EFCAB5: variants seen among roughly 807,000 people sequenced by gnomAD.
EFCAB5 encodes EF-hand calcium binding domain 5.
EFCAB5 carries 131 observed loss-of-function variants against 167.9 expected under a neutral mutation model. The observed-to-expected ratio is 0.78, with a 90% CI of 0.68 to 0.90. EFCAB5 has a LOEUF of 0.90. Ranked by LOEUF, EFCAB5 falls within the 40% of genes least tolerant of loss-of-function variation. The pLI, the probability that EFCAB5 is intolerant of heterozygous loss-of-function variation, is 0.00. For synonymous variants in EFCAB5, 574 were observed against 602.8 expected, an observed-to-expected ratio of 0.95 and a Z score of 0.70; for missense variants, 1,663 against 1,745.2, an observed-to-expected ratio of 0.95 and a Z score of 0.84.
chr17:30,059,271 A>G (rs1246205880), intron 13 of EFCAB5: 3 of 214,314 alleles, frequency 1.4e-5, no homozygotes, highest in Non-Finnish European at 2.7e-5. Context: ...ATTTTTAAAA[A>G]AAATTTTTTT....
At chr17:29,933,679 G>A (rs902185022) in intron 1 of EFCAB5, among the ~76,000 whole-genome samples, 2 of 152,140 alleles carry the variant, frequency 1.3e-5, no homozygotes, top group African/African-American at 4.8e-5. Flanking sequence ...TACTTCTTCC[G>A]GGGTGAAATT....
Position 30,082,981 on chromosome 17 carries a change from T to G in EFCAB5, c.3517T>G (p.Tyr1173Asp). Residue 1173 changes from tyrosine (Y) to aspartate (D), a missense_variant, in exon 18 of 23, where the codon TAT (tyrosine) becomes GAT (aspartate). Physicochemically the swap from Tyr to Asp is radical, Grantham distance 160. Transcript: ENST00000394835. ...HIVITGIGWL[Y>D]DVTSSITSIT... is the part of the protein sequence containing the mutation. The stretch of plus-strand genomic sequence containing the variant: ...TGTGATCACTGGCATAGGCTGGCTT[T>G]ATGACGTCACATCCAGCATCACCTC... 4 of 1,614,036 alleles carry G rather than the reference T, an allele frequency of 2.5e-6. No individual in the cohort carries two copies. The highest frequency in any genetic ancestry group is 3.4e-6 in the Non-Finnish European group (4 of 1,179,892).
At chr17:30,082,113 C>T (rs1418002251) in intron 17 of EFCAB5, among the ~76,000 whole-genome samples, 2 of 152,154 alleles carry the variant, frequency 1.3e-5, no homozygotes, top group African/African-American at 4.8e-5. Context: ...CGTAATCTAG[C>T]ACACTGTGGG....
chr17:29,964,691 TG>T (rs201445714), intron 3 of EFCAB5, among the ~76,000 whole-genome samples: 1,769 of 152,308 alleles, frequency 0.012, 25 homozygotes, highest in Non-Finnish European at 0.02. Context: ...TCTTTGCTAA[TG>T]TTTTTTTCAG....
intron 14 of EFCAB5, chr17:30,065,776 T>G (rs1434616599): frequency 6.6e-6 from 1 of 152,086 alleles, no homozygotes; most frequent in African/African-American, 2.4e-5. Flanking sequence ...AAAAGATATT[T>G]CACGTGAATG....
intron 8 of EFCAB5, among the ~76,000 whole-genome samples, chr17:30,037,827 AAGAG>A (rs1174282952): frequency 6.6e-6 from 1 of 152,154 alleles, no homozygotes; most frequent in African/African-American, 2.4e-5. Context: ...AATGAAGAAA[AAGAG>A]AGAAGTTAAT....
intron 5 of EFCAB5, among the ~76,000 whole-genome samples, chr17:29,995,942 GT>G (rs2068533978): frequency 6.6e-6 from 1 of 152,098 alleles, no homozygotes; most frequent in African/African-American, 2.4e-5. Context: ...TAAATTTAAT[GT>G]TTTTGCTTCA....
intron 3 of EFCAB5, among the ~76,000 whole-genome samples, chr17:29,948,522 T>A (rs1466969906): frequency 6.6e-6 from 1 of 152,054 alleles, no homozygotes; most frequent in African/African-American, 2.4e-5. Flanking sequence ...AATCCCTCAT[T>A]TGTGAATGTG....
chr17:29,951,615 A>G (rs1487807879), intron 3 of EFCAB5, among the ~76,000 whole-genome samples: 1 of 151,920 alleles, frequency 6.6e-6, no homozygotes, highest in Non-Finnish European at 1.5e-5. Context: ...TTGGCCTCCC[A>G]AAGTGCTGGG....
At chr17:30,035,879 T>C (rs1357087375) in intron 8 of EFCAB5, among the ~76,000 whole-genome samples, 1 of 151,754 alleles carries the variant, frequency 6.6e-6, no homozygotes, top group African/African-American at 2.4e-5. Context: ...TATGCCAGAA[T>C]AGCATATTTT....
At chr17:30,004,823 G>A (rs1206299741) in intron 7 of EFCAB5, among the ~76,000 whole-genome samples, 3 of 135,376 alleles carry the variant, frequency 2.2e-5, no homozygotes, top group African/African-American at 5.7e-5. Flanking sequence ...TTTTAGTAGA[G>A]ACAAGGTTTC....
rs1343336868 is a variant in EFCAB5 at position 29,941,655 on chromosome 17, G to T, written c.-142G>T. On this transcript the variant is annotated 5_prime_UTR_variant, in exon 1 of 23. Coordinates refer to ENST00000394835, the MANE Select transcript of EFCAB5 (RefSeq NM_198529.4). ...ATTTATCATTCAATAGAATTGTGGG[G>T]TGAGGTGAGGGCAGGAGTGAGGGAG... 3.3e-6 allele frequency: 2 copies of T among 610,478 alleles called. No homozygotes were observed. Among genetic ancestry groups the T allele is most frequent in the African/African-American group, 1.9e-5 (1 of 53,078 alleles). The allele number at this position is 610,478 out of a possible 1,614,324, so 37.8% of individuals were successfully genotyped here. A position where few individuals can be genotyped will look rare whatever the true frequency, so the allele number is the denominator to read the frequency against.
chr17:30,010,211 G>A lies in EFCAB5; in HGVS notation c.1044+10235G>A, dbSNP rs1446148525. Among the ~76,000 whole-genome samples the A allele has an allele frequency of 3.3e-5, 5 of 152,142 alleles. No homozygotes were observed. The East Asian group carries it at 9.6e-4, about 29-fold the overall frequency. ...TTTCTTAATCCAGTCTATCATTGAT[G>A]GATATTTGGGTTGGTTCCAAGTCCT... On this transcript the variant is annotated intron_variant, in intron 7 of 22. Coordinates refer to ENST00000394835, the MANE Select transcript of EFCAB5 (RefSeq NM_198529.4).
chr17:30,080,424 C>T (rs2070961662), intron 16 of EFCAB5, among the ~76,000 whole-genome samples, 183 bp downstream of exon 16: 1 of 152,162 alleles, frequency 6.6e-6, no homozygotes, highest in African/African-American at 2.4e-5. Context: ...AGAGCTCGCT[C>T]TTTGGTAATG....
intron 7 of EFCAB5, among the ~76,000 whole-genome samples, chr17:30,023,745 C>T (rs1252376107): frequency 2.6e-5 from 4 of 152,180 alleles, no homozygotes; most frequent in African/African-American, 9.7e-5. Flanking sequence ...GAATTTTAGA[C>T]TAATATCCTT....
chr17:30,048,064 G>A (rs1427197789), intron 8 of EFCAB5, among the ~76,000 whole-genome samples: 1 of 152,204 alleles, frequency 6.6e-6, no homozygotes, highest in Non-Finnish European at 1.5e-5. Flanking sequence ...CAATTCCTAG[G>A]ATCCCAAAAC....
intron 4 of EFCAB5, among the ~76,000 whole-genome samples, chr17:29,991,196 C>T (rs1434698742): frequency 6.6e-6 from 1 of 152,192 alleles, no homozygotes; most frequent in Non-Finnish European, 1.5e-5. Flanking sequence ...GTTCCACATT[C>T]TCCGACTGTC....
At chr17:29,989,239 G>A (rs778357213) in intron 4 of EFCAB5, among the ~76,000 whole-genome samples, 12 of 152,156 alleles carry the variant, frequency 7.9e-5, no homozygotes, top group Non-Finnish European at 1.5e-4. Context: ...AATTAAACTG[G>A]CGTGAGAAAT....
chr17:29,937,278 C>G (rs2067253671), upstream of EFCAB5, among the ~76,000 whole-genome samples: 1 of 152,094 alleles, frequency 6.6e-6, no homozygotes, highest in Admixed American at 6.6e-5. Flanking sequence ...CCTCCGCCTC[C>G]CAGGTTCAAG....
Sources: gnomAD v4.1 joint callset for allele counts (sites outside exome capture counted in the v4.1 genomes callset) on GRCh38, gnomAD v4.1.1 for gene constraint, MANE v1.5 for transcripts, NCBI Gene and HGNC (gene_info 2026-07-23, HGNC 2026-07-21) for gene names.